NBEA: variants seen among roughly 807,000 people sequenced by gnomAD.
The protein encoded by NBEA is lysosomal-trafficking regulator 2.
A neutral mutation model predicts 343.4 loss-of-function variants in NBEA; 44 were observed. The ratio of observed to expected loss-of-function variants is 0.13; its 90% confidence interval spans 0.10 to 0.16. The LOEUF is 0.16. NBEA is among the 10% of genes least tolerant of loss of function. The pLI is 1.00. For missense variants in NBEA, 2,555 were observed against 3,631.3 expected, an observed-to-expected ratio of 0.70 and a Z score of 7.62; for synonymous variants, 1,175 against 1,238.7, an observed-to-expected ratio of 0.95 and a Z score of 1.08.
intron 10 of NBEA, among the ~76,000 whole-genome samples, chr13:35,075,350 A>G (rs2064066967): frequency 6.6e-6 from 1 of 152,112 alleles, no homozygotes; most frequent in Non-Finnish European, 1.5e-5. Context: ...TTACTAGTCT[A>G]TTGGTTAGAT....
At chr13:35,024,838 A>G (rs915867572) in intron 1 of NBEA, among the ~76,000 whole-genome samples, 1 of 152,036 alleles carries the variant, frequency 6.6e-6, no homozygotes, top group Non-Finnish European at 1.5e-5. Context: ...GCTAACATCT[A>G]TTATTTGCTG....
At chr13:35,215,695 C>T (rs1477435298) in intron 33 of NBEA, among the ~76,000 whole-genome samples, 6 of 151,562 alleles carry the variant, frequency 4.0e-5, no homozygotes, top group African/African-American at 7.3e-5. Context: ...CTCACATAAT[C>T]GATCTAACAC....
intron 41 of NBEA, chr13:35,474,885 T>A: frequency 2.5e-6 from 2 of 790,134 alleles, no homozygotes; most frequent in Non-Finnish European, 3.9e-6. Flanking sequence ...TTCCCCTACT[T>A]TTTCTCCCCT....
intron 34 of NBEA, among the ~76,000 whole-genome samples, chr13:35,279,795 G>A (rs1408741069): frequency 6.6e-6 from 1 of 151,922 alleles, no homozygotes; most frequent in Non-Finnish European, 1.5e-5. Flanking sequence ...CCTTAATTAG[G>A]TAGCGTTACC....
intron 1 of NBEA, among the ~76,000 whole-genome samples, chr13:35,001,406 A>G (rs913985640): frequency 1.3e-5 from 2 of 152,192 alleles, no homozygotes; most frequent in African/African-American, 4.8e-5. Context: ...AGTACTCAAA[A>G]GGTGGAATCA....
chr13:35,298,211 GTATATATATATATATATATA>G lies in NBEA; in HGVS notation c.5838+7779_5838+7798del, dbSNP rs72309538. Among the ~76,000 whole-genome samples the G allele has an allele frequency of 6.8e-5, 7 of 103,034 alleles. 1 individual carries two copies. The highest frequency in any genetic ancestry group is 4.3e-5 in the African/African-American group (1 of 23,172). The allele number at this position is 103,034 out of a possible 152,430, so 67.6% of individuals were successfully genotyped here. On this transcript the variant is annotated intron_variant, in intron 35 of 58. Transcript: ENST00000379939. Reference sequence around the variant, plus strand: ...TATGTGTGTGTGTGTGTGTGTGTGTGTATATATATATATATATATATATATATATATATATATGTATATGC... The same window carrying G: ...TATGTGTGTGTGTGTGTGTGTGTGTGTATATATATATATATATGTATATGC...
chr13:35,232,151 TG>T (rs2075010109), intron 33 of NBEA, among the ~76,000 whole-genome samples: 2 of 152,132 alleles, frequency 1.3e-5, no homozygotes, highest in African/African-American at 4.8e-5. Context: ...ACATTGTCAG[TG>T]TTCCAGATCA....
At chr13:35,255,973 CA>C (rs1283539579) in intron 34 of NBEA, among the ~76,000 whole-genome samples, 2 of 152,164 alleles carry the variant, frequency 1.3e-5, no homozygotes, top group Non-Finnish European at 2.9e-5. Context: ...TTTCCGCAGG[CA>C]GGTCATCCCA....
intron 1 of NBEA, among the ~76,000 whole-genome samples, chr13:35,002,160 C>T (rs1038061747): frequency 6.6e-6 from 1 of 152,140 alleles, no homozygotes; most frequent in African/African-American, 2.4e-5. Context: ...GGGGTCCCAT[C>T]TGAGACCAGC....
At chr13:35,580,458 G>C (rs1234874040) in intron 45 of NBEA, among the ~76,000 whole-genome samples, 3 of 152,126 alleles carry the variant, frequency 2.0e-5, no homozygotes, top group Admixed American at 2.0e-4. Flanking sequence ...AGATGATATT[G>C]ACATTGCAGT....
intron 37 of NBEA, among the ~76,000 whole-genome samples, chr13:35,351,315 C>T (rs1333701177): frequency 6.6e-6 from 1 of 151,866 alleles, no homozygotes; most frequent in Non-Finnish European, 1.5e-5. Flanking sequence ...GTTATAGTCA[C>T]ACCACTCTGT....
chr13:35,071,101 A>G (rs1459680039), intron 10 of NBEA: 1 of 295,018 alleles, frequency 3.4e-6, no homozygotes, highest in Non-Finnish European at 6.2e-6. Context: ...CAAAGATAGC[A>G]TAATGATTAT....
chr13:35,436,814 A>C (rs1192626325), intron 39 of NBEA, among the ~76,000 whole-genome samples: 5 of 152,222 alleles, frequency 3.3e-5, no homozygotes, highest in Admixed American at 3.3e-4. Flanking sequence ...CATGGTAGCA[A>C]CAAAAAAGAT....
intron 38 of NBEA, among the ~76,000 whole-genome samples, chr13:35,394,073 C>T (rs1274821738): frequency 3.3e-5 from 5 of 152,124 alleles, no homozygotes; most frequent in Non-Finnish European, 7.4e-5. Context: ...TGTATAGACA[C>T]AGATGTACTA....
At chr13:34,983,584 G>T (rs1325454694) in intron 1 of NBEA, among the ~76,000 whole-genome samples, 1 of 152,142 alleles carries the variant, frequency 6.6e-6, no homozygotes, top group Non-Finnish European at 1.5e-5. Flanking sequence ...CTAGATCCTT[G>T]AGGAATTGCC....
At chr13:35,053,344 G>A (rs2063132999) in intron 6 of NBEA, among the ~76,000 whole-genome samples, 1 of 152,002 alleles carries the variant, frequency 6.6e-6, no homozygotes, top group Non-Finnish European at 1.5e-5. Flanking sequence ...GTGCTGTATT[G>A]TATTAAGATT....
chr13:35,363,931 T>TTGGGTGAATGG (rs1375871926), intron 38 of NBEA, among the ~76,000 whole-genome samples: 3 of 151,878 alleles, frequency 2.0e-5, no homozygotes, highest in Non-Finnish European at 4.4e-5. Context: ...TCATCCTTCA[T>TTGGGTGAATGG]TGGGTGAATG....
chr13:35,454,938 A>G (rs1207826602), intron 40 of NBEA, among the ~76,000 whole-genome samples: 1 of 152,040 alleles, frequency 6.6e-6, no homozygotes, highest in Non-Finnish European at 1.5e-5. Context: ...ATATTAATAT[A>G]ATCTTATATT....
At chr13:35,613,953 A>G (rs905687986) in intron 48 of NBEA, among the ~76,000 whole-genome samples, 3 of 152,150 alleles carry the variant, frequency 2.0e-5, no homozygotes, top group Non-Finnish European at 2.9e-5. Flanking sequence ...TGGCTTTACT[A>G]ATTTATGCCA....
Sources: gnomAD v4.1 joint callset for allele counts (sites outside exome capture counted in the v4.1 genomes callset) on GRCh38, gnomAD v4.1.1 for gene constraint, MANE v1.5 for transcripts, NCBI Gene and HGNC (gene_info 2026-07-23, HGNC 2026-07-21) for gene names.